LIPH: variants seen among roughly 807,000 people sequenced by gnomAD.
LIPH encodes the protein lipase H, also known as lipase member H.
Under a neutral mutation model 47.6 loss-of-function variants are expected in LIPH, and 32 were observed. That is an observed-to-expected ratio of 0.67 (90% CI 0.51 to 0.90). The LOEUF is 0.90. Ranked by LOEUF, LIPH falls within the 40% of genes least tolerant of loss-of-function variation. The pLI, the probability that LIPH is intolerant of heterozygous loss-of-function variation, is 0.00. For synonymous variants in LIPH, 190 were observed against 195.6 expected (o/e 0.97, Z 0.24); for missense variants, 497 against 541.4 (o/e 0.92, Z 0.81).
chr3:185,548,169 G>A (rs2148966997), intron 1 of LIPH, among the ~76,000 whole-genome samples: 1 of 152,302 alleles, frequency 6.6e-6, no homozygotes. Flanking sequence ...CATGTTGGGA[G>A]GCCGAGGCGG....
chr3:185,538,738 C>CAT (rs59091182), intron 1 of LIPH, among the ~76,000 whole-genome samples: 14 of 94,262 alleles, frequency 1.5e-4, no homozygotes, highest in South Asian at 3.5e-4. Flanking sequence ...CATATATATA[C>CAT]ATATATGTAC....
intron 4 of LIPH, among the ~76,000 whole-genome samples, chr3:185,526,637 T>TATAAAATA (rs10674006): frequency 5.0e-5 from 7 of 138,928 alleles, no homozygotes; most frequent in African/African-American, 8.1e-5. Context: ...AAATATAAAA[T>TATAAAATA]AAATAAAATA....
At chr3:185,549,385 C>T (rs187575152) in intron 1 of LIPH, among the ~76,000 whole-genome samples, 36 of 152,294 alleles carry the variant, frequency 2.4e-4, no homozygotes, top group African/African-American at 8.2e-4. Context: ...AGATGAGTCA[C>T]CACACAGGCA....
At position 185,552,548 on chromosome 3, in the gene LIPH, G is replaced by A. The variant is rs1217640141; in HGVS notation, c.-77C>T. On this transcript the variant is annotated 5_prime_UTR_variant, in exon 1 of 10. Transcript: ENST00000296252. ...AGAGGCTTAAGAGTTTCCACTGTGG[G>A]ATTTTGCTCACAGTGAGCTCAGACG... The A allele has an allele frequency of 3.7e-6, 4 of 1,088,264 alleles. No homozygotes were observed. The highest frequency in any genetic ancestry group is 5.7e-6 in the Non-Finnish European group (4 of 702,520). The allele number at this position is 1,088,264 out of a possible 1,614,324, so 67.4% of individuals were successfully genotyped here.
chr3:185,511,430 A>G, intron 9 of LIPH, 94 bp downstream of exon 9: 1 of 1,135,462 alleles, frequency 8.8e-7, no homozygotes, highest in Non-Finnish European at 1.3e-6. Flanking sequence ...TGTGAATAAT[A>G]GAGTCTTATT....
Position 185,539,463 on chromosome 3 carries a change from C to T in LIPH, c.50-4331G>A, listed in dbSNP as rs1289902949. On this transcript the variant is annotated intron_variant, in intron 1 of 9. Coordinates refer to ENST00000296252, the MANE Select transcript of LIPH (RefSeq NM_139248.3). ...TGGATGACTGCAACATCGGCCCCCC[C>T]GGGTTCAAGCGATTCTACTGCCTCA... Among the ~76,000 whole-genome samples, 28 of 149,240 alleles carry T rather than the reference C, an allele frequency of 1.9e-4. 1 individual carries two copies. The highest frequency in any genetic ancestry group is 1.7e-3 in the Admixed American group (25 of 14,808).
chr3:185,517,034 A>T, intron 7 of LIPH, 33 bp downstream of exon 7: 1 of 1,372,170 alleles, frequency 7.3e-7, no homozygotes, highest in South Asian at 1.2e-5. Flanking sequence ...AATGAGAGTT[A>T]GGCAAAAGCC....
intron 6 of LIPH, among the ~76,000 whole-genome samples, chr3:185,518,266 T>C (rs948527995): frequency 6.6e-6 from 1 of 152,128 alleles, no homozygotes; most frequent in Non-Finnish European, 1.5e-5. Context: ...TCTTTTCTTT[T>C]TTCTTTCTTT....
intron 2 of LIPH, among the ~76,000 whole-genome samples, chr3:185,533,998 C>A (rs1412321599): frequency 6.6e-6 from 1 of 152,100 alleles, no homozygotes; most frequent in Non-Finnish European, 1.5e-5. Context: ...CCGAGGCGGG[C>A]AGATCACCTG....
chr3:185,521,633 C>T (rs1299185353), intron 5 of LIPH, among the ~76,000 whole-genome samples: 1 of 152,144 alleles, frequency 6.6e-6, no homozygotes, highest in African/African-American at 2.4e-5. Context: ...CGGACACCTG[C>T]CAGATGTTGA....
At chr3:185,525,484 G>A (rs934468454) in intron 4 of LIPH, among the ~76,000 whole-genome samples, 4 of 152,102 alleles carry the variant, frequency 2.6e-5, no homozygotes, top group South Asian at 4.1e-4. Context: ...AACAACTTAA[G>A]TGAAGATATG....
At chr3:185,518,425 G>A (rs916461396) in intron 6 of LIPH, among the ~76,000 whole-genome samples, 2 of 151,892 alleles carry the variant, frequency 1.3e-5, no homozygotes, top group Non-Finnish European at 2.9e-5. Flanking sequence ...GATTTCAGGC[G>A]CCCGCCACCA....
At chr3:185,527,898 C>A (rs1720161587) in intron 3 of LIPH, among the ~76,000 whole-genome samples, 1 of 149,754 alleles carries the variant, frequency 6.7e-6, no homozygotes, top group Admixed American at 6.7e-5. Context: ...AACGGGCGGT[C>A]CCCAGGAAAA....
chr3:185,529,987 A>AGAGAGAGAGG (rs113097880), intron 3 of LIPH, among the ~76,000 whole-genome samples: 14 of 149,388 alleles, frequency 9.4e-5, no homozygotes, highest in African/African-American at 1.5e-4. Context: ...AGAGAGAGAG[A>AGAGAGAGAGG]GAGAAAATAA....
intron 1 of LIPH, among the ~76,000 whole-genome samples, chr3:185,550,755 G>T (rs1342259990): frequency 6.6e-6 from 1 of 152,016 alleles, no homozygotes; most frequent in East Asian, 1.9e-4. Context: ...TTTCAGTAGA[G>T]ATGGGGTTCA....
intron 4 of LIPH, among the ~76,000 whole-genome samples, chr3:185,526,097 G>A (rs1720060916): frequency 6.6e-6 from 1 of 152,036 alleles, no homozygotes; most frequent in Non-Finnish European, 1.5e-5. Context: ...GACAGAAATG[G>A]GCCAGCCACA....
rs144288709 is a variant in LIPH at position 185,519,176 on chromosome 3, G to A, written c.852C>T (p.Cys284=). The change falls in exon 6 of 10, where the codon TGC becomes TGT. Residue 284 remains cysteine, a synonymous_variant. Coordinates refer to ENST00000296252, the MANE Select transcript of LIPH (RefSeq NM_139248.3). ...GACAGGACTCTTTTTGTGACGTGCC[G>A]CAGCTGACACACTTGCCATTCCTAT... ...QDYRNGKCVS[C]GTSQKESCPL... 0.033 allele frequency: 53,096 copies of A among 1,613,576 alleles called. 1,125 individuals are homozygous for A. The highest frequency in any genetic ancestry group is 0.049 in the Middle Eastern group (296 of 6,060).
At chr3:185,538,767 GTACATATATACACACATATA>G (rs1560169447) in intron 1 of LIPH, among the ~76,000 whole-genome samples, 371 of 11,276 alleles carry the variant, frequency 0.033, 11 homozygotes, top group African/African-American at 0.073. Flanking sequence ...ACATATATAT[GTACATATATACACACATATA>G]TACATATATA....
intron 4 of LIPH, among the ~76,000 whole-genome samples, chr3:185,524,848 T>A (rs1468447882): frequency 2.0e-5 from 3 of 152,120 alleles, no homozygotes; most frequent in African/African-American, 7.2e-5. Context: ...CAGGAAAAAA[T>A]GAATGTTTAC....
Sources: gnomAD v4.1 joint callset for allele counts (sites outside exome capture counted in the v4.1 genomes callset) on GRCh38, gnomAD v4.1.1 for gene constraint, MANE v1.5 for transcripts, NCBI Gene and HGNC (gene_info 2026-07-23, HGNC 2026-07-21) for gene names.